GRIK2: variants seen among roughly 807,000 people sequenced by gnomAD.
GRIK2 encodes the protein glutamate receptor ionotropic, kainate 2.
In GRIK2, 32 loss-of-function variants were observed where a neutral mutation model predicts 100.3. The observed-to-expected ratio is 0.32, with a 90% CI of 0.24 to 0.43. The LOEUF (loss-of-function observed/expected upper bound fraction) is 0.43, where lower values mean the gene tolerates loss of function less well. Among genes scored for constraint, GRIK2 ranks in the 20% least tolerant of loss-of-function variants. GRIK2 has a pLI of 1.00. For missense variants in GRIK2, 843 were observed against 1,114.9 expected, an observed-to-expected ratio of 0.76 and a Z score of 3.47; for synonymous variants, 417 against 389.4, an observed-to-expected ratio of 1.07 and a Z score of -0.83.
intron 2 of GRIK2, among the ~76,000 whole-genome samples, chr6:101,528,022 CA>C (rs753838164): frequency 4.4e-5 from 6 of 136,918 alleles, no homozygotes; most frequent in Non-Finnish European, 8.4e-5. Context: ...GTTCATATCC[CA>C]GCTTTACCAC....
intron 9 of GRIK2, among the ~76,000 whole-genome samples, chr6:101,806,678 G>GT (rs1781029435): frequency 1.4e-5 from 2 of 141,188 alleles, no homozygotes; most frequent in Admixed American, 7.2e-5. Flanking sequence ...TTATCACTTT[G>GT]GCATAGAGTA....
chr6:101,772,088 T>G (rs1386673318), intron 7 of GRIK2, among the ~76,000 whole-genome samples: 8 of 152,174 alleles, frequency 5.3e-5, no homozygotes, highest in Non-Finnish European at 1.0e-4. Context: ...AGAAAGTCCT[T>G]ATCAACAGGT....
intron 4 of GRIK2, among the ~76,000 whole-genome samples, chr6:101,645,321 A>G (rs865845375): frequency 6.6e-6 from 1 of 151,874 alleles, no homozygotes; most frequent in Non-Finnish European, 1.5e-5. Flanking sequence ...CTAAAGGTAT[A>G]TGCTGTTGCT....
At chr6:101,903,784 C>CAAAAAA (rs11411245) in intron 12 of GRIK2, among the ~76,000 whole-genome samples, 1 of 147,878 alleles carries the variant, frequency 6.8e-6, no homozygotes, top group Non-Finnish European at 1.5e-5. Flanking sequence ...GAAGTTGGAG[C>CAAAAAA]AAAAAAAAAA....
In GRIK2 at chr6:101,985,437, T is replaced by C. The variant is rs115196845; in HGVS notation, c.2086-49904T>C. Among the ~76,000 whole-genome samples the C allele has an allele frequency of 5.5e-4, 83 of 151,886 alleles. 1 individual carries two copies. Among genetic ancestry groups the C allele is most frequent in the African/African-American group, 1.9e-3 (80 of 41,546 alleles). On this transcript the variant is annotated intron_variant, in intron 14 of 16. Transcript: ENST00000369134. ...TTATCTTCCCTGGTGACATTCTGGCTTTTGGCATCCTTCTTGAATATAGGG... is the reference window on the plus strand; with the variant it reads ...TTATCTTCCCTGGTGACATTCTGGCCTTTGGCATCCTTCTTGAATATAGGG...
intron 2 of GRIK2, among the ~76,000 whole-genome samples, chr6:101,554,417 A>C (rs1265339516): frequency 6.6e-6 from 1 of 152,188 alleles, no homozygotes; most frequent in Non-Finnish European, 1.5e-5. Context: ...AATATTTACA[A>C]ATGCTAATTT....
chr6:101,883,289 A>AAATAGTAAT (rs1786386773), intron 11 of GRIK2, among the ~76,000 whole-genome samples: 1 of 144,310 alleles, frequency 6.9e-6, no homozygotes. Context: ...TCTCTTTGGC[A>AAATAGTAAT]AATAATAATA....
chr6:101,659,200 G>A (rs937365826), intron 4 of GRIK2, among the ~76,000 whole-genome samples: 4 of 152,136 alleles, frequency 2.6e-5, no homozygotes, highest in Non-Finnish European at 4.4e-5. Flanking sequence ...TAAAGAATAA[G>A]GAAGGGATCC....
intron 2 of GRIK2, among the ~76,000 whole-genome samples, chr6:101,459,848 C>A (rs561214649): frequency 1.3e-5 from 2 of 151,792 alleles, no homozygotes; most frequent in Non-Finnish European, 2.9e-5. Context: ...CTCTGCCTCC[C>A]GGGTTCAAGC....
chr6:101,446,724 T>C (rs1376173856), intron 2 of GRIK2, among the ~76,000 whole-genome samples: 1 of 151,610 alleles, frequency 6.6e-6, no homozygotes, highest in Non-Finnish European at 1.5e-5. Flanking sequence ...CAATATTGCC[T>C]TTAAAAATCC....
chr6:101,564,980 C>T (rs1777185978), intron 2 of GRIK2, among the ~76,000 whole-genome samples: 1 of 151,952 alleles, frequency 6.6e-6, no homozygotes, highest in Non-Finnish European at 1.5e-5. Context: ...CCATATTCCC[C>T]AAAATGTTAC....
At chr6:101,503,679 T>C (rs1473913684) in intron 2 of GRIK2, among the ~76,000 whole-genome samples, 2 of 152,284 alleles carry the variant, frequency 1.3e-5, no homozygotes, top group Middle Eastern at 6.8e-3. Context: ...CATTCATGAT[T>C]TATGTAAATT....
At chr6:101,746,543 T>C (rs1583064456) in intron 7 of GRIK2, among the ~76,000 whole-genome samples, 1 of 152,074 alleles carries the variant, frequency 6.6e-6, no homozygotes, top group Non-Finnish European at 1.5e-5. Flanking sequence ...GCCAGGCTGG[T>C]CTTGAACTCC....
chr6:101,536,460 G>A (rs903849340), intron 2 of GRIK2, among the ~76,000 whole-genome samples: 9 of 151,444 alleles, frequency 5.9e-5, no homozygotes, highest in Non-Finnish European at 1.2e-4. Context: ...ATAAGGGGTA[G>A]GACCACACAA....
intron 10 of GRIK2, among the ~76,000 whole-genome samples, chr6:101,839,088 C>T (rs1783335533): frequency 6.6e-6 from 1 of 152,060 alleles, no homozygotes; most frequent in Non-Finnish European, 1.5e-5. Context: ...ATGCCTACAA[C>T]TTACCAGTTA....
At chr6:101,511,582 C>T (rs1220198970) in intron 2 of GRIK2, among the ~76,000 whole-genome samples, 2 of 151,602 alleles carry the variant, frequency 1.3e-5, no homozygotes, top group Non-Finnish European at 2.9e-5. Context: ...ATTAGAAAAA[C>T]AAATATAAAA....
chr6:102,006,390 A>ATATATATTTTTT (rs1315524835), intron 14 of GRIK2, among the ~76,000 whole-genome samples: 66 of 114,086 alleles, frequency 5.8e-4, no homozygotes, highest in African/African-American at 2.7e-3. Flanking sequence ...ATATATATAT[A>ATATATATTTTTT]TTTTTTTTTT....
At chr6:102,006,390 A>ATATATATATT (rs1315524835) in intron 14 of GRIK2, among the ~76,000 whole-genome samples, 9 of 114,100 alleles carry the variant, frequency 7.9e-5, no homozygotes, top group African/African-American at 3.2e-4. Flanking sequence ...ATATATATAT[A>ATATATATATT]TTTTTTTTTT....
intron 11 of GRIK2, among the ~76,000 whole-genome samples, chr6:101,866,358 A>G (rs1785052434): frequency 6.6e-6 from 1 of 152,198 alleles, no homozygotes; most frequent in African/African-American, 2.4e-5. Flanking sequence ...CATAGCACCT[A>G]TGCAAAAGCT....
Sources: allele counts gnomAD v4.1 joint callset (sites outside exome capture counted in the v4.1 genomes callset), GRCh38; gene constraint gnomAD v4.1.1; transcripts MANE v1.5; gene names NCBI Gene and HGNC (gene_info 2026-07-23, HGNC 2026-07-21).